The following MEGF11 variants were observed in gnomAD, a reference collection of about 807,000 sequenced individuals.
MEGF11 encodes multiple epidermal growth factor-like domains protein 11.
Under a neutral mutation model 146.6 loss-of-function variants are expected in MEGF11, and 126 were observed. The observed-to-expected ratio is 0.86, with a 90% CI of 0.74 to 1.00. The LOEUF (loss-of-function observed/expected upper bound fraction) is 1.00, where lower values mean the gene tolerates loss of function less well. Ranked by LOEUF, MEGF11 falls within the 50% of genes least tolerant of loss-of-function variation. The pLI is 0.00. For missense variants in MEGF11, 1,509 were observed against 1,521.2 expected, an observed-to-expected ratio of 0.99 and a Z score of 0.13; for synonymous variants, 532 against 583.4, an observed-to-expected ratio of 0.91 and a Z score of 1.27.
intron 1 of MEGF11, among the ~76,000 whole-genome samples, chr15:66,191,169 C>CA (rs1238815498): frequency 7.2e-5 from 11 of 151,976 alleles, no homozygotes; most frequent in Admixed American, 2.6e-4. Flanking sequence ...CTCCCCCCGC[C>CA]AAAAGAAATA....
chr15:66,090,984 A>T (rs1276768415), intron 5 of MEGF11, among the ~76,000 whole-genome samples: 3 of 152,204 alleles, frequency 2.0e-5, no homozygotes, highest in Non-Finnish European at 2.9e-5. Flanking sequence ...TGGAGAGTTA[A>T]CCTTTTTTGT....
chr15:65,937,315 A>G (rs990979085), intron 10 of MEGF11, among the ~76,000 whole-genome samples: 5 of 152,134 alleles, frequency 3.3e-5, no homozygotes, highest in African/African-American at 1.2e-4. Context: ...TTGGCATGTC[A>G]TGTGCTTTGC....
intron 5 of MEGF11, among the ~76,000 whole-genome samples, chr15:66,049,606 C>T (rs72742900): frequency 0.013 from 2,005 of 151,910 alleles, 21 homozygotes; most frequent in Middle Eastern, 0.034. Flanking sequence ...TGCATGTTAA[C>T]GGGTTTGCTG....
intron 5 of MEGF11, among the ~76,000 whole-genome samples, chr15:66,080,757 G>C (rs1380833940): frequency 6.6e-6 from 1 of 152,234 alleles, no homozygotes; most frequent in Non-Finnish European, 1.5e-5. Context: ...AGCATTTGCT[G>C]CTACGTACAC....
Position 65,896,612 on chromosome 15 carries a change from T to C in MEGF11, c.*1322A>G, listed in dbSNP as rs942232971. The C allele has an allele frequency of 2.6e-5, 4 of 152,674 alleles. No individual in the cohort carries two copies. The highest frequency in any genetic ancestry group is 4.4e-5 in the Non-Finnish European group (3 of 68,066). The allele number at this position is 152,674 out of a possible 1,614,324, so 9.5% of individuals were successfully genotyped here. ...TTAATTCTTGTGAGAAGGTTCTCTTTAGGGCTTGGGAGTTGATTTCATTTC... is the reference window on the plus strand; with the variant it reads ...TTAATTCTTGTGAGAAGGTTCTCTTCAGGGCTTGGGAGTTGATTTCATTTC... On this transcript the variant is annotated 3_prime_UTR_variant, in exon 26 of 26. Transcript: ENST00000395614.
intron 10 of MEGF11, among the ~76,000 whole-genome samples, chr15:65,951,816 T>C (rs1053438272): frequency 7.2e-5 from 11 of 151,956 alleles, no homozygotes; most frequent in African/African-American, 2.7e-4. Context: ...CTGGGCAACA[T>C]AGTGAGACTC....
chr15:66,060,639 C>A (rs529076970), intron 5 of MEGF11, among the ~76,000 whole-genome samples: 1 of 152,306 alleles, frequency 6.6e-6, no homozygotes, highest in African/African-American at 2.4e-5. Context: ...GGCACTTGGC[C>A]CCCCCGCCAT....
chr15:66,125,332 G>A (rs1372095886), intron 2 of MEGF11, among the ~76,000 whole-genome samples: 3 of 152,168 alleles, frequency 2.0e-5, no homozygotes, highest in Non-Finnish European at 4.4e-5. Flanking sequence ...GAGGCAACTC[G>A]AGCCTCACTC....
chr15:66,045,781 G>A (rs575168491), intron 5 of MEGF11, among the ~76,000 whole-genome samples: 71 of 152,220 alleles, frequency 4.7e-4, no homozygotes, highest in African/African-American at 1.6e-3. Context: ...TCTCATTTGA[G>A]CCTCCCTACA....
intron 5 of MEGF11, among the ~76,000 whole-genome samples, chr15:66,087,913 T>G (rs1474069563): frequency 1.3e-5 from 2 of 152,024 alleles, no homozygotes. Flanking sequence ...TAAATAAAAC[T>G]GACAGACCAT....
chr15:66,167,159 C>T (rs2090118735), intron 1 of MEGF11, among the ~76,000 whole-genome samples: 2 of 152,134 alleles, frequency 1.3e-5, no homozygotes, highest in African/African-American at 4.8e-5. Context: ...GGCAAACAGC[C>T]CCAGGGTGAT....
At position 65,931,353 on chromosome 15, in the gene MEGF11, CTCAGTCCTGCAATCAGAGGAACTGAAT is replaced by C. The variant is rs1189147576; in HGVS notation, c.1288-437_1288-411del. Reference sequence around the variant, plus strand: ...TTACAGCTACCAAGAAAATGAGGGCCTCAGTCCTGCAATCAGAGGAACTGAATTCTGTCCACACTGTGAGCGAGCAGG... The same window carrying C: ...TTACAGCTACCAAGAAAATGAGGGCCTCTGTCCACACTGTGAGCGAGCAGG... On this transcript the variant is annotated intron_variant, in intron 10 of 25. Transcript: ENST00000395614. Among the ~76,000 whole-genome samples the C allele has an allele frequency of 3.3e-5, 5 of 152,260 alleles. No individual in the cohort carries two copies. In the East Asian group the frequency reaches 9.7e-4, roughly 29 times the overall value.
intron 5 of MEGF11, among the ~76,000 whole-genome samples, chr15:66,020,986 C>A: frequency 8.4e-6 from 1 of 118,644 alleles, no homozygotes; most frequent in African/African-American, 3.6e-5. Context: ...AGCGAAACTC[C>A]ATCTCAAAAA....
intron 1 of MEGF11, among the ~76,000 whole-genome samples, chr15:66,153,263 A>C (rs1002824825): frequency 6.6e-6 from 1 of 152,176 alleles, no homozygotes; most frequent in Non-Finnish European, 1.5e-5. Context: ...TCCATGGCTT[A>C]CCCAACGCCC....
intron 2 of MEGF11, among the ~76,000 whole-genome samples, chr15:66,126,780 G>A (rs1397311915): frequency 6.6e-6 from 1 of 152,176 alleles, no homozygotes; most frequent in Non-Finnish European, 1.5e-5. Flanking sequence ...GGCTCTTCCC[G>A]ATACCTCTCT....
intron 24 of MEGF11, among the ~76,000 whole-genome samples, chr15:65,903,076 C>T (rs2078534013): frequency 6.6e-6 from 1 of 152,168 alleles, no homozygotes; most frequent in East Asian, 1.9e-4. Flanking sequence ...AATTAGCATC[C>T]TTCTCTTGAT....
At chr15:66,150,279 C>G (rs2089514586) in intron 1 of MEGF11, among the ~76,000 whole-genome samples, 1 of 152,216 alleles carries the variant, frequency 6.6e-6, no homozygotes, top group South Asian at 2.1e-4. Flanking sequence ...TTAGGGCATT[C>G]CAGACCATAA....
chr15:66,018,262 C>T (rs949949468), intron 5 of MEGF11, among the ~76,000 whole-genome samples: 1 of 152,242 alleles, frequency 6.6e-6, no homozygotes, highest in African/African-American at 2.4e-5. Flanking sequence ...ATTCCAGTCA[C>T]TAAGCAGGGC....
intron 1 of MEGF11, among the ~76,000 whole-genome samples, chr15:66,215,040 G>A (rs1482130886): frequency 6.6e-6 from 1 of 152,114 alleles, no homozygotes; most frequent in African/African-American, 2.4e-5. Context: ...GAGTCTTGAT[G>A]TTCTCTTTAC....
Sources: allele counts gnomAD v4.1 joint callset (sites outside exome capture counted in the v4.1 genomes callset), GRCh38; gene constraint gnomAD v4.1.1; transcripts MANE v1.5; gene names NCBI Gene and HGNC (gene_info 2026-07-23, HGNC 2026-07-21).